RBPJ: variants seen among roughly 807,000 people sequenced by gnomAD.
The protein encoded by RBPJ is recombination signal binding protein for immunoglobulin kappa J region.
A neutral mutation model predicts 67.8 loss-of-function variants in RBPJ; 9 were observed. The ratio of observed to expected loss-of-function variants is 0.13; its 90% CI spans 0.08 to 0.23. The LOEUF (loss-of-function observed/expected upper bound fraction) is 0.23, where lower values mean the gene tolerates loss of function less well. RBPJ is among the 10% of genes least tolerant of loss of function. RBPJ has a pLI of 1.00. For missense variants in RBPJ, 305 were observed against 595.6 expected, an observed-to-expected ratio of 0.51 and a Z score of 5.08; for synonymous variants, 198 against 203.3, an observed-to-expected ratio of 0.97 and a Z score of 0.22.
At chr4:26,120,788 G>C in the RBPJ span, among the ~76,000 whole-genome samples, 1 of 145,930 alleles carries the variant, frequency 6.9e-6, no homozygotes, top group Non-Finnish European at 1.5e-5. Context: ...AGACCATTGA[G>C]GCGTGGACAG....
intron 1 of RBPJ, among the ~76,000 whole-genome samples, chr4:26,326,731 G>A (rs901572310): frequency 7.9e-5 from 12 of 152,182 alleles, no homozygotes; most frequent in African/African-American, 2.9e-4. Flanking sequence ...GTATGTGTAA[G>A]TGACTTGTAA....
chr4:26,400,855 G>A (rs748458331), intron 2 of RBPJ, among the ~76,000 whole-genome samples: 12 of 152,218 alleles, frequency 7.9e-5, no homozygotes, highest in Non-Finnish European at 1.6e-4. Flanking sequence ...AGTAGTAGAA[G>A]CCAGTAGAAT....
chr4:26,303,216 A>ATAAT (rs1722130937), intron 1 of RBPJ, among the ~76,000 whole-genome samples: 1 of 134,872 alleles, frequency 7.4e-6, no homozygotes, highest in African/African-American at 2.7e-5. Context: ...AAATAAATAA[A>ATAAT]TAATAAATGA....
At chr4:26,185,316 T>C (rs1342996043) in intron 1 of RBPJ, among the ~76,000 whole-genome samples, 2 of 152,076 alleles carry the variant, frequency 1.3e-5, no homozygotes, top group African/African-American at 2.4e-5. Context: ...CCTCTGCCTG[T>C]GTCAAATGGC....
intron 1 of RBPJ, among the ~76,000 whole-genome samples, chr4:26,312,356 C>G (rs763141759): frequency 2.6e-4 from 40 of 152,152 alleles, no homozygotes; most frequent in Non-Finnish European, 3.8e-4. Context: ...TGGTCTCGAT[C>G]TCCTGACCTC....
chr4:26,356,891 T>C (rs761703262), intron 1 of RBPJ, among the ~76,000 whole-genome samples: 7 of 152,372 alleles, frequency 4.6e-5, no homozygotes, highest in Middle Eastern at 3.4e-3. Flanking sequence ...ATGTTTCTTT[T>C]ATCATATAGC....
rs113166691 is a variant in RBPJ at position 26,338,098 on chromosome 4, T to A, written c.20+17050T>A. Among the ~76,000 whole-genome samples the A allele has an allele frequency of 2.9e-3, 433 of 151,248 alleles. 1 individual carries two copies. The highest frequency in any genetic ancestry group is 0.01 in the African/African-American group (417 of 41,386). On this transcript the variant is annotated intron_variant, in intron 1 of 10. Transcript: ENST00000355476. ...TTTGGCTTTGTGTTTTTTTGTTGTT[T>A]TTTTTTCATCTTCCTCACCCTAACA...
chr4:26,209,366 G>C (rs912282959), intron 1 of RBPJ, among the ~76,000 whole-genome samples: 1 of 151,968 alleles, frequency 6.6e-6, no homozygotes, highest in African/African-American at 2.4e-5. Context: ...CAAGATTTTC[G>C]GTTTGTGTTT....
At chr4:26,331,105 G>C (rs984141110) in intron 1 of RBPJ, among the ~76,000 whole-genome samples, 5 of 152,156 alleles carry the variant, frequency 3.3e-5, no homozygotes, top group African/African-American at 9.7e-5. Flanking sequence ...GAAGGCCTGT[G>C]TTAGTCTTTT....
At chr4:26,153,830 C>G in the RBPJ span, among the ~76,000 whole-genome samples, 1 of 152,106 alleles carries the variant, frequency 6.6e-6, no homozygotes, top group African/African-American at 2.4e-5. Context: ...AATTTTCCAC[C>G]TGTGCATCGT....
chr4:26,184,109 G>A (rs1215185808), intron 1 of RBPJ, among the ~76,000 whole-genome samples: 1 of 151,366 alleles, frequency 6.6e-6, no homozygotes, highest in Non-Finnish European at 1.5e-5. Flanking sequence ...TTGAACCTGG[G>A]AGGCCGAGGT....
chr4:26,356,287 G>GA (rs1282297715), intron 1 of RBPJ, among the ~76,000 whole-genome samples: 1 of 152,210 alleles, frequency 6.6e-6, no homozygotes, highest in Non-Finnish European at 1.5e-5. Context: ...AAGACAGGCT[G>GA]CACATGCACT....
rs190689026 is a variant in RBPJ, at chr4:26,398,545, T to C, written c.60-7630T>C. 1.6e-3 allele frequency among the ~76,000 whole-genome samples: 250 copies of C among 152,306 alleles called. 1 individual carries two copies. The highest frequency in any genetic ancestry group is 5.8e-3 in the African/African-American group (242 of 41,572). On this transcript the variant is annotated intron_variant, in intron 2 of 10. Transcript: ENST00000355476. ...CTAAGCTATGGATTAAATGTACACT[T>C]TACTAGCATGACATTTAAGGCTTGA... is the stretch of plus-strand genomic sequence containing the variant.
the RBPJ span, among the ~76,000 whole-genome samples, chr4:26,130,905 A>T: frequency 3.3e-5 from 5 of 151,684 alleles, no homozygotes; most frequent in African/African-American, 1.2e-4. Context: ...TGTTAATTTA[A>T]TGTGGCAGAT....
intron 1 of RBPJ, among the ~76,000 whole-genome samples, chr4:26,280,914 A>G (rs747478004): frequency 1.1e-4 from 16 of 152,152 alleles, no homozygotes; most frequent in Non-Finnish European, 7.4e-5. Context: ...AAAAACTGCT[A>G]CCATTTGCAA....
At chr4:26,146,640 T>G in the RBPJ span, among the ~76,000 whole-genome samples, 1 of 152,226 alleles carries the variant, frequency 6.6e-6, no homozygotes, top group Non-Finnish European at 1.5e-5. Flanking sequence ...ACACAACTCC[T>G]GCTCTCATGG....
chr4:26,371,135 C>T (rs1027991697), intron 1 of RBPJ, among the ~76,000 whole-genome samples: 14 of 151,288 alleles, frequency 9.3e-5, no homozygotes, highest in African/African-American at 2.2e-4. Context: ...TTTTCTCCAT[C>T]GTGGAAATTA....
intron 1 of RBPJ, among the ~76,000 whole-genome samples, chr4:26,330,603 A>G (rs1273498304): frequency 6.6e-6 from 1 of 152,268 alleles, no homozygotes; most frequent in African/African-American, 2.4e-5. Context: ...TCCTGTAGAA[A>G]GAAGCAGAAT....
chr4:26,209,273 C>A (rs967943301), intron 1 of RBPJ, among the ~76,000 whole-genome samples: 2 of 152,004 alleles, frequency 1.3e-5, no homozygotes, highest in African/African-American at 4.8e-5. Context: ...AAAATATGAT[C>A]TTTGCTGATG....
Sources: allele counts gnomAD v4.1 joint callset (sites outside exome capture counted in the v4.1 genomes callset), GRCh38; gene constraint gnomAD v4.1.1; transcripts MANE v1.5; gene names NCBI Gene and HGNC (gene_info 2026-07-23, HGNC 2026-07-21).